Variants in NFIB observed in about 807,000 individuals in gnomAD.
The protein encoded by NFIB is nuclear factor 1 B-type.
NFIB carries 11 observed loss-of-function variants against 61.5 expected under a neutral mutation model. The ratio of observed to expected loss-of-function variants is 0.18; its 90% CI spans 0.11 to 0.30. The LOEUF is 0.30. Among genes scored for constraint, NFIB ranks in the 10% least tolerant of loss-of-function variants. The probability of loss-of-function intolerance (pLI) is 1.00; values close to 1 mark genes in which losing one functional copy is unlikely to be tolerated. For synonymous variants in NFIB, 260 were observed against 216.5 expected (o/e 1.20, Z -1.76); for missense variants, 471 against 608.9 (o/e 0.77, Z 2.38).
At chr9:14,244,400 A>G (rs1446392508) in intron 2 of NFIB, among the ~76,000 whole-genome samples, 5 of 152,208 alleles carry the variant, frequency 3.3e-5, no homozygotes, top group African/African-American at 1.2e-4. Flanking sequence ...TACATTCTGA[A>G]TCTGCTGATT....
chr9:14,348,360 T>C (rs2061060209), intron 1 of NFIB, among the ~76,000 whole-genome samples: 1 of 149,394 alleles, frequency 6.7e-6, no homozygotes, highest in Non-Finnish European at 1.5e-5. Context: ...AGACCCCAAA[T>C]TGGCTGTGAG....
intron 10 of NFIB, among the ~76,000 whole-genome samples, chr9:14,098,949 G>C (rs2035305232): frequency 1.3e-5 from 2 of 152,178 alleles, no homozygotes. Flanking sequence ...CTTAAGCCTT[G>C]GGGTTGCGGG....
chr9:14,154,378 A>T (rs894304602), intron 4 of NFIB, among the ~76,000 whole-genome samples: 1 of 152,148 alleles, frequency 6.6e-6, no homozygotes, highest in Non-Finnish European at 1.5e-5. Context: ...TCCGCTAAAG[A>T]AGAGTATGGG....
intron 2 of NFIB, among the ~76,000 whole-genome samples, chr9:14,202,059 G>A (rs190407840): frequency 4.6e-5 from 7 of 151,580 alleles, no homozygotes; most frequent in Admixed American, 4.6e-4. Flanking sequence ...GGTAAAATGT[G>A]CTCTCTATAC....
Position 14,369,727 on chromosome 9 carries a change from A to G in NFIB, c.108+28797T>C, listed in dbSNP as rs191240339. The stretch of plus-strand genomic sequence containing the variant: ...ACCACGTTTTATTGTTTCTACCTCA[A>G]AAAAGGTTTTCAAATCTAGCTTTTC... On this transcript the variant is annotated intron_variant, in intron 1 of 8. Coordinates refer to the NFIB transcript ENST00000380934. Among the ~76,000 whole-genome samples, 216 of 152,260 alleles carry G rather than the reference A, an allele frequency of 1.4e-3. 1 individual carries two copies. The highest frequency in any genetic ancestry group is 4.8e-3 in the African/African-American group (199 of 41,548).
At chr9:14,481,195 G>GTGTATATATATATATATATATA in the NFIB span, among the ~76,000 whole-genome samples, 13 of 35,068 alleles carry the variant, frequency 3.7e-4, no homozygotes, top group African/African-American at 1.0e-3. Flanking sequence ...GTGTGTGTGT[G>GTGTATATATATATATATATATA]TGTATATATA....
At chr9:14,221,166 T>G (rs952509034) in intron 2 of NFIB, among the ~76,000 whole-genome samples, 3 of 152,188 alleles carry the variant, frequency 2.0e-5, no homozygotes, top group African/African-American at 7.2e-5. Flanking sequence ...ACAACCTGGC[T>G]ACTTCCCCAT....
At chr9:14,426,187 G>GA in the NFIB span, among the ~76,000 whole-genome samples, 3 of 151,718 alleles carry the variant, frequency 2.0e-5, no homozygotes, top group Non-Finnish European at 2.9e-5. Flanking sequence ...TTGGCTTAAA[G>GA]AAAAAAAATC....
chr9:14,401,449 T>C (rs1052453491), upstream of NFIB, among the ~76,000 whole-genome samples: 1 of 152,194 alleles, frequency 6.6e-6, no homozygotes, highest in Admixed American at 6.5e-5. Context: ...CAGTTCACCA[T>C]CGGCCTGGAA....
intron 2 of NFIB, among the ~76,000 whole-genome samples, chr9:14,184,926 G>C (rs2047178886): frequency 6.6e-6 from 1 of 152,130 alleles, no homozygotes; most frequent in Non-Finnish European, 1.5e-5. Context: ...GAGAGGCTGA[G>C]ACATGAGAAT....
intron 1 of NFIB, among the ~76,000 whole-genome samples, chr9:14,347,632 T>A (rs922796747): frequency 1.3e-5 from 2 of 148,838 alleles, no homozygotes; most frequent in African/African-American, 5.0e-5. Context: ...CCTAGGCGGT[T>A]GAAGATCCAA....
chr9:14,346,058 C>T (rs1180919741), intron 1 of NFIB, among the ~76,000 whole-genome samples: 1 of 152,182 alleles, frequency 6.6e-6, no homozygotes, highest in Non-Finnish European at 1.5e-5. Flanking sequence ...GGAGGCACGA[C>T]CCTGATCCCC....
intron 1 of NFIB, among the ~76,000 whole-genome samples, chr9:14,344,506 G>T (rs892633009): frequency 1.3e-4 from 20 of 152,084 alleles, no homozygotes; most frequent in Non-Finnish European, 4.4e-5. Context: ...CCAGACACTG[G>T]GCTGATGGAA....
At chr9:14,400,629 A>T (rs897104311), upstream of NFIB, among the ~76,000 whole-genome samples, 2 of 152,028 alleles carry the variant, frequency 1.3e-5, no homozygotes, top group Non-Finnish European at 2.9e-5. Flanking sequence ...ATCACATAAT[A>T]ACTATTGAAT....
the NFIB span, among the ~76,000 whole-genome samples, chr9:14,466,193 T>A: frequency 2.6e-5 from 4 of 152,196 alleles, no homozygotes; most frequent in African/African-American, 9.6e-5. Flanking sequence ...CTGTCTGGGA[T>A]GGTGCAAGCT....
chr9:14,497,326 A>C, the NFIB span, among the ~76,000 whole-genome samples: 2 of 152,220 alleles, frequency 1.3e-5, no homozygotes, highest in African/African-American at 2.4e-5. Context: ...TCATATGTGT[A>C]AATAAAAGTT....
chr9:14,502,294 T>C, the NFIB span, among the ~76,000 whole-genome samples: 2 of 152,206 alleles, frequency 1.3e-5, no homozygotes, highest in Non-Finnish European at 2.9e-5. Flanking sequence ...CCACCTAATG[T>C]CTTTGTAGCA....
At chr9:14,442,609 T>C in the NFIB span, among the ~76,000 whole-genome samples, 2 of 152,156 alleles carry the variant, frequency 1.3e-5, no homozygotes, top group African/African-American at 4.8e-5. Flanking sequence ...GGTTTGCTGG[T>C]AATCTTTGGC....
At chr9:14,505,381 G>T in the NFIB span, among the ~76,000 whole-genome samples, 2 of 152,176 alleles carry the variant, frequency 1.3e-5, no homozygotes, top group African/African-American at 2.4e-5. Flanking sequence ...GAATAACTTA[G>T]GGAGGATTCC....
Sources: allele counts gnomAD v4.1 joint callset (sites outside exome capture counted in the v4.1 genomes callset), GRCh38; gene constraint gnomAD v4.1.1; transcripts MANE v1.5; gene names NCBI Gene and HGNC (gene_info 2026-07-23, HGNC 2026-07-21).